DLG2: variants seen among roughly 807,000 people sequenced by gnomAD.
The protein encoded by DLG2 is disks large homolog 2.
Under a neutral mutation model 132.5 loss-of-function variants are expected in DLG2, and 45 were observed. That is an observed-to-expected ratio of 0.34 (90% confidence interval 0.27 to 0.44). The LOEUF (loss-of-function observed/expected upper bound fraction) is 0.44. DLG2 is among the 20% of genes least tolerant of loss of function. The pLI is 1.00. For synonymous variants in DLG2, 424 were observed against 419.6 expected (o/e 1.01, Z -0.13); for missense variants, 1,045 against 1,196.9 (o/e 0.87, Z 1.87).
At chr11:83,505,027 T>G (rs1262351050) in intron 21 of DLG2, among the ~76,000 whole-genome samples, 4 of 152,066 alleles carry the variant, frequency 2.6e-5, no homozygotes, top group Non-Finnish European at 5.9e-5. Context: ...CAATGCTGTG[T>G]GGGGTGTGTG....
intron 2 of DLG2, among the ~76,000 whole-genome samples, chr11:85,607,245 C>T (rs1393279592): frequency 6.6e-6 from 1 of 152,188 alleles, no homozygotes; most frequent in South Asian, 2.1e-4. Flanking sequence ...TGGGAAAGGG[C>T]TCTCTAACAA....
chr11:84,690,990 C>T (rs952466693), intron 6 of DLG2, among the ~76,000 whole-genome samples: 3 of 151,798 alleles, frequency 2.0e-5, no homozygotes, highest in Non-Finnish European at 4.4e-5. Flanking sequence ...TACTGTAAGA[C>T]AAAATGTTAT....
At position 85,181,369 on chromosome 11, in the gene DLG2, C is replaced by T. The variant is rs144534187; in HGVS notation, c.187-26718G>A. 4.4e-4 allele frequency among the ~76,000 whole-genome samples: 67 copies of T among 151,702 alleles called. No homozygotes were observed. In the East Asian group the frequency reaches 0.013, roughly 29 times the overall value. ...ACCCTTTTAGTTATTTTACAATGTACAATTAAATTAGAAAATAGATATTTT... is the reference window on the plus strand; with the variant it reads ...ACCCTTTTAGTTATTTTACAATGTATAATTAAATTAGAAAATAGATATTTT... On this transcript the variant is annotated intron_variant, in intron 4 of 27. Coordinates refer to ENST00000376104, the MANE Select transcript of DLG2 (RefSeq NM_001142699.3).
chr11:84,629,289 T>C (rs751902576), intron 6 of DLG2, among the ~76,000 whole-genome samples: 1 of 152,142 alleles, frequency 6.6e-6, no homozygotes, highest in Non-Finnish European at 1.5e-5. Flanking sequence ...TAAAGGGAAA[T>C]ATAAGATCAA....
intron 6 of DLG2, among the ~76,000 whole-genome samples, chr11:85,086,649 A>T (rs937255047): frequency 2.0e-5 from 3 of 152,180 alleles, no homozygotes; most frequent in African/African-American, 7.2e-5. Flanking sequence ...CAGGAAGGAG[A>T]GGCAAATCAC....
chr11:85,454,610 C>T (rs2092359873), intron 3 of DLG2, among the ~76,000 whole-genome samples: 1 of 152,070 alleles, frequency 6.6e-6, no homozygotes, highest in African/African-American at 2.4e-5. Flanking sequence ...TTTGCCAGGT[C>T]CTATGTCCAG....
chr11:85,492,373 T>C (rs564908786), intron 3 of DLG2, among the ~76,000 whole-genome samples: 1 of 152,268 alleles, frequency 6.6e-6, no homozygotes, highest in African/African-American at 2.4e-5. Flanking sequence ...ATCTGCATTT[T>C]ATATATAACT....
intron 3 of DLG2, among the ~76,000 whole-genome samples, chr11:85,381,587 G>A (rs917442509): frequency 1.1e-4 from 16 of 151,858 alleles, no homozygotes; most frequent in South Asian, 1.0e-3. Context: ...ATATGATCTC[G>A]TATATAGAAA....
chr11:83,682,060 T>A (rs561707322), intron 18 of DLG2: 1 of 871,728 alleles, frequency 1.1e-6, no homozygotes, highest in East Asian at 1.2e-4. Context: ...GCCCAAACAC[T>A]GACACACACT....
rs191028503 is a variant in DLG2 at position 84,800,861 on chromosome 11, G to A, written c.358-266130C>T. On this transcript the variant is annotated intron_variant, in intron 6 of 27. Transcript: ENST00000376104. The stretch of plus-strand genomic sequence containing the variant: ...GAGTCTACAGTTTTACAAGTTTAAT[G>A]ACATGTTCAGAGGGACTAGAAAATT... 2.0e-3 allele frequency among the ~76,000 whole-genome samples: 312 copies of A among 152,228 alleles called. 1 individual carries two copies. Among genetic ancestry groups the A allele is most frequent in the Admixed American group, 7.7e-3 (117 of 15,284 alleles).
intron 10 of DLG2, among the ~76,000 whole-genome samples, chr11:84,090,797 A>G (rs1312567471): frequency 6.6e-6 from 1 of 152,258 alleles, no homozygotes. Context: ...ATGAGGTACA[A>G]GGTTAATAAT....
chr11:85,472,544 C>T (rs1003639410), intron 3 of DLG2, among the ~76,000 whole-genome samples: 8 of 152,248 alleles, frequency 5.3e-5, no homozygotes, highest in South Asian at 2.1e-4. Flanking sequence ...GTGATCCACC[C>T]GCCTTGGCCT....
At chr11:83,488,306 G>T (rs950209060) in intron 21 of DLG2, among the ~76,000 whole-genome samples, 2 of 151,822 alleles carry the variant, frequency 1.3e-5, no homozygotes, top group African/African-American at 4.8e-5. Context: ...TACCTTTCAT[G>T]TTGTGACAGA....
chr11:84,732,144 T>C (rs2063230444), intron 6 of DLG2, among the ~76,000 whole-genome samples: 1 of 152,092 alleles, frequency 6.6e-6, no homozygotes, highest in Non-Finnish European at 1.5e-5. Flanking sequence ...CCAAGTAATA[T>C]TACATTGTAA....
At chr11:83,755,789 C>T (rs762908346) in intron 18 of DLG2, among the ~76,000 whole-genome samples, 7 of 151,166 alleles carry the variant, frequency 4.6e-5, no homozygotes, top group Non-Finnish European at 8.8e-5. Flanking sequence ...GTGACTATGG[C>T]GGTTACTACG....
At position 83,951,423 on chromosome 11, in the gene DLG2, C is replaced by T. The variant is rs116796978; in HGVS notation, c.1340+11462G>A. Among the ~76,000 whole-genome samples the T allele has an allele frequency of 4.4e-3, 669 of 152,046 alleles. 5 individuals carry two copies. The highest frequency in any genetic ancestry group is 0.014 in the African/African-American group (598 of 41,476). On this transcript the variant is annotated intron_variant, in intron 14 of 27. Transcript: ENST00000376104. ...AAAAATGATGTCAAGCAGGAATAAG[C>T]ACTAGAGAGAAAAATAAAAGGGAAC...
chr11:85,098,789 C>T (rs188007904), intron 6 of DLG2, among the ~76,000 whole-genome samples: 5 of 152,126 alleles, frequency 3.3e-5, no homozygotes, highest in African/African-American at 7.2e-5. Context: ...CCAATCCAGA[C>T]GTGAATGCCA....
chr11:84,845,699 G>C (rs995801976), intron 6 of DLG2, among the ~76,000 whole-genome samples: 1 of 71,936 alleles, frequency 1.4e-5, no homozygotes, highest in African/African-American at 5.0e-5. Context: ...TTTTTTTTTT[G>C]ACACAGGATC....
At chr11:83,824,747 C>T (rs73515153) in intron 17 of DLG2, among the ~76,000 whole-genome samples, 2,695 of 152,086 alleles carry the variant, frequency 0.018, 93 homozygotes, top group African/African-American at 0.062. Flanking sequence ...AGTACCACTG[C>T]GAGAAAAGCT....
Sources: allele counts gnomAD v4.1 joint callset (sites outside exome capture counted in the v4.1 genomes callset), GRCh38; gene constraint gnomAD v4.1.1; transcripts MANE v1.5; gene names NCBI Gene and HGNC (gene_info 2026-07-23, HGNC 2026-07-21).